The following MICU1 variants were observed in gnomAD, a reference collection of about 807,000 sequenced individuals.
MICU1 encodes the protein calcium uptake protein 1, mitochondrial.
MICU1 carries 45 observed loss-of-function variants against 56.8 expected under a neutral mutation model. The observed-to-expected ratio is 0.79, with a 90% confidence interval of 0.62 to 1.02. The LOEUF (loss-of-function observed/expected upper bound fraction) is 1.02, where lower values mean the gene tolerates loss of function less well. Ranked by LOEUF, MICU1 falls within the 50% of genes least tolerant of loss-of-function variation. MICU1 has a pLI of 0.00. For missense variants in MICU1, 504 were observed against 587.1 expected (o/e 0.86, Z 1.46); for synonymous variants, 186 against 195.1 (o/e 0.95, Z 0.39).
At chr10:72,587,311 TA>T (rs1357709276) in intron 1 of MICU1, among the ~76,000 whole-genome samples, 51 of 151,322 alleles carry the variant, frequency 3.4e-4, no homozygotes, top group Non-Finnish European at 6.5e-4. Flanking sequence ...TTACAAAAAA[TA>T]AAAAATTAGC....
Position 72,367,851 on chromosome 10 carries a change from A to G in MICU1, c.*344T>C, listed in dbSNP as rs1301346366. 1.8e-5 allele frequency: 4 copies of G among 225,244 alleles called. No individual in the cohort carries two copies. Among genetic ancestry groups the G allele is most frequent in the Non-Finnish European group, 3.5e-5 (4 of 114,492 alleles). 14.0% of individuals were successfully genotyped at this position (225,244 alleles called of 1,614,324 possible). On this transcript the variant is annotated 3_prime_UTR_variant, in exon 12 of 12. Coordinates refer to ENST00000361114, the MANE Select transcript of MICU1 (RefSeq NM_001195518.2). ...ATAAATCCATAGCAAAAACGATTTG[A>G]GAACTGGATGCTTCCCAGGGTTGGC...
At chr10:72,412,148 C>T (rs1863836214) in intron 9 of MICU1, among the ~76,000 whole-genome samples, 1 of 151,936 alleles carries the variant, frequency 6.6e-6, no homozygotes, top group East Asian at 1.9e-4. Context: ...TTGGTAACTA[C>T]TATGGTAAAA....
intron 10 of MICU1, among the ~76,000 whole-genome samples, chr10:72,394,297 T>C (rs984764565): frequency 2.0e-5 from 3 of 152,152 alleles, no homozygotes; most frequent in African/African-American, 7.2e-5. Flanking sequence ...AGACATATCC[T>C]TTTGGGGGCC....
chr10:72,565,398 C>G (rs1840405112), intron 2 of MICU1, among the ~76,000 whole-genome samples: 1 of 147,650 alleles, frequency 6.8e-6, no homozygotes, highest in African/African-American at 2.5e-5. Context: ...GACAAAAAAC[C>G]AAACACTGCA....
intron 1 of MICU1, among the ~76,000 whole-genome samples, chr10:72,619,489 C>T (rs1160730029): frequency 2.0e-5 from 3 of 152,152 alleles, no homozygotes; most frequent in African/African-American, 7.2e-5. Flanking sequence ...ATCTTATTTA[C>T]TCATTTATTC....
intron 5 of MICU1, among the ~76,000 whole-genome samples, chr10:72,526,321 G>A (rs777352326): frequency 9.9e-5 from 15 of 151,746 alleles, no homozygotes; most frequent in Non-Finnish European, 2.1e-4. Context: ...TTTTAAGACA[G>A]AGTCTCACTC....
intron 8 of MICU1, among the ~76,000 whole-genome samples, chr10:72,452,504 T>C (rs1865329953): frequency 1.3e-5 from 2 of 152,186 alleles, no homozygotes; most frequent in Admixed American, 1.3e-4. Flanking sequence ...GTATTTCAAA[T>C]ACAGTCATGT....
At chr10:72,423,534 G>T (rs554637298) in intron 8 of MICU1, among the ~76,000 whole-genome samples, 163 bp from the exon 9 acceptor site, 3 of 152,304 alleles carry the variant, frequency 2.0e-5, no homozygotes, top group Admixed American at 6.5e-5. Context: ...AGAAACAGAA[G>T]ATATAGGTTC....
At chr10:72,527,943 A>G (rs1463585793) in intron 5 of MICU1, among the ~76,000 whole-genome samples, 1 of 152,158 alleles carries the variant, frequency 6.6e-6, no homozygotes, top group Non-Finnish European at 1.5e-5. Context: ...TCTCTGTCTC[A>G]GCCTCCCAGG....
At chr10:72,446,839 TAGTA>T (rs1408339799) in intron 8 of MICU1, among the ~76,000 whole-genome samples, 1 of 152,164 alleles carries the variant, frequency 6.6e-6, no homozygotes, top group African/African-American at 2.4e-5. Context: ...TTAATAATGA[TAGTA>T]AGAACAATGA....
Position 72,551,252 on chromosome 10 carries a change from A to G in MICU1, c.420T>C (p.Pro140=), listed in dbSNP as rs372400344. ...YFATLKVISE[P]GEAEVFMTPE... is the part of the protein sequence containing the mutation. ...GTGTCATAAACACTTCTGCTTCACC[A>G]GGCTCACTGATGACTTTCAAGGTGG... The change falls in exon 4 of 12, where the codon CCT becomes CCC. Residue 140 remains proline, a synonymous_variant. Transcript: ENST00000361114. The G allele has an allele frequency of 8.1e-5, 131 of 1,613,378 alleles. No individual in the cohort carries two copies. Among genetic ancestry groups the G allele is most frequent in the Admixed American group, 3.3e-5 (2 of 59,938 alleles).
intron 8 of MICU1, among the ~76,000 whole-genome samples, chr10:72,435,211 G>A (rs1864668382): frequency 6.6e-6 from 1 of 151,716 alleles, no homozygotes; most frequent in South Asian, 2.1e-4. Flanking sequence ...GCAGCACAGT[G>A]AGACCTGATT....
At chr10:72,586,168 C>T (rs1841054381) in intron 1 of MICU1, among the ~76,000 whole-genome samples, 2 of 151,516 alleles carry the variant, frequency 1.3e-5, no homozygotes, top group South Asian at 2.1e-4. Context: ...TGCACACCAC[C>T]ACACCCAGCT....
At chr10:72,497,252 G>A (rs187875189) in intron 6 of MICU1, among the ~76,000 whole-genome samples, 25 of 151,878 alleles carry the variant, frequency 1.6e-4, no homozygotes, top group East Asian at 1.2e-3. Flanking sequence ...TAGAGATGGC[G>A]TTTCACCATC....
intron 11 of MICU1, among the ~76,000 whole-genome samples, chr10:72,372,737 GA>G (rs1413596625): frequency 6.6e-6 from 1 of 151,936 alleles, no homozygotes; most frequent in Non-Finnish European, 1.5e-5. Context: ...AGCTACTCGG[GA>G]GGCTGAGGCA....
intron 9 of MICU1, among the ~76,000 whole-genome samples, chr10:72,410,758 G>A (rs547604729): frequency 3.3e-5 from 5 of 152,266 alleles, no homozygotes; most frequent in African/African-American, 1.2e-4. Flanking sequence ...CAGTCTCTTG[G>A]CTTTGCCTTA....
chr10:72,453,681 C>T (rs1468807473), intron 8 of MICU1, among the ~76,000 whole-genome samples: 1 of 151,928 alleles, frequency 6.6e-6, no homozygotes, highest in African/African-American at 2.4e-5. Context: ...AGGCTTGCAC[C>T]ACCACGCCGG....
At chr10:72,415,049 T>C (rs896551858) in intron 9 of MICU1, among the ~76,000 whole-genome samples, 8 of 142,898 alleles carry the variant, frequency 5.6e-5, no homozygotes, top group Non-Finnish European at 1.2e-4. Context: ...AGAGTCTCAC[T>C]CTGTTGCTTA....
chr10:72,620,540 G>T (rs1297975374), intron 1 of MICU1, among the ~76,000 whole-genome samples: 1 of 152,096 alleles, frequency 6.6e-6, no homozygotes, highest in Non-Finnish European at 1.5e-5. Context: ...AGAAATGCAA[G>T]CATTATTTGT....
Sources: gnomAD v4.1 joint callset for allele counts (sites outside exome capture counted in the v4.1 genomes callset) on GRCh38, gnomAD v4.1.1 for gene constraint, MANE v1.5 for transcripts, NCBI Gene and HGNC (gene_info 2026-07-23, HGNC 2026-07-21) for gene names.